The following NIT2 variants were observed in gnomAD, a reference collection of about 807,000 sequenced individuals.
NIT2 encodes omega-amidase NIT2.
A neutral mutation model predicts 42.7 loss-of-function variants in NIT2; 46 were observed. The ratio of observed to expected loss-of-function variants is 1.08; its 90% CI spans 0.85 to 1.38. The LOEUF (loss-of-function observed/expected upper bound fraction) is 1.38, where lower values mean the gene tolerates loss of function less well. NIT2 is among the 40% of genes most tolerant of loss of function. The pLI, the probability that NIT2 is intolerant of heterozygous loss-of-function variation, is 0.00. For synonymous variants in NIT2, 123 were observed against 121.9 expected, an observed-to-expected ratio of 1.01 and a Z score of -0.06; for missense variants, 309 against 342.5, an observed-to-expected ratio of 0.90 and a Z score of 0.77.
chr3:100,348,679 G>C, intron 6 of NIT2, 124 bp from the exon 7 acceptor site: 2 of 689,464 alleles, frequency 2.9e-6, no homozygotes, highest in Non-Finnish European at 5.1e-6. Flanking sequence ...GTCTGACTTG[G>C]CTGACATCTT....
rs1706308882 is a variant in NIT2 at position 100,354,798 on chromosome 3, CAGA to C, written c.716_718del (p.Glu239del). On this transcript the variant is annotated inframe_deletion, in exon 9 of 10. Coordinates refer to ENST00000394140, the MANE Select transcript of NIT2 (RefSeq NM_020202.5). Reference sequence around the variant, plus strand: ...GGGGAGGTTCTAGCCAAAGCTGGCACAGAAGAAGCAATCGTGTATTCAGACATA... The same window carrying C: ...GGGGAGGTTCTAGCCAAAGCTGGCACAGAAGCAATCGTGTATTCAGACATA... The C allele has an allele frequency of 6.2e-7, 1 of 1,609,884 alleles. No homozygotes were observed. The highest frequency in any genetic ancestry group is 1.1e-5 in the South Asian group (1 of 89,632).
At chr3:100,343,505 T>A (rs1301466391) in intron 4 of NIT2, among the ~76,000 whole-genome samples, 1 of 152,192 alleles carries the variant, frequency 6.6e-6, no homozygotes, top group African/African-American at 2.4e-5. Context: ...AGTGAAATTT[T>A]AAAAAATTGA....
rs1439175137 is a variant in NIT2, at chr3:100,348,890, G to C, written c.584+9G>C. 2 of 1,612,624 alleles carry C rather than the reference G, an allele frequency of 1.2e-6. No homozygotes were observed. The highest frequency in any genetic ancestry group is 2.2e-5 in the South Asian group (2 of 91,044). ...TTACTTCAGCGAAGCCGGTAAGAAA[G>C]GAACCATATATTCAAGCCTCTCGGC... On this transcript the variant is annotated intron_variant, in intron 7 of 9. Coordinates refer to ENST00000394140, the MANE Select transcript of NIT2 (RefSeq NM_020202.5).
At position 100,356,198 on chromosome 3, in the gene NIT2, A is replaced by G. The variant is rs1446059489; in HGVS notation, c.*930A>G. On this transcript the variant is annotated 3_prime_UTR_variant, in exon 10 of 10. Transcript: ENST00000394140. Reference sequence around the variant, plus strand: ...CCAGAGACCCTATCTCACTATATATATGTATCTCAAAGACTTCAATGGGTT... The same window carrying G: ...CCAGAGACCCTATCTCACTATATATGTGTATCTCAAAGACTTCAATGGGTT... 6.6e-6 allele frequency: 1 copy of G among 152,180 alleles called. No homozygotes were observed. Among genetic ancestry groups the G allele is most frequent in the Non-Finnish European group, 1.5e-5 (1 of 68,042 alleles). 9.4% of individuals were successfully genotyped at this position (152,180 alleles called of 1,614,324 possible).
At chr3:100,336,413 T>C (rs1403132997) in intron 1 of NIT2, among the ~76,000 whole-genome samples, 1 of 151,822 alleles carries the variant, frequency 6.6e-6, no homozygotes, top group African/African-American at 2.4e-5. Context: ...ACAAACAAAG[T>C]ATAGAGAAAG....
chr3:100,336,189 G>C (rs1367671635), intron 1 of NIT2, among the ~76,000 whole-genome samples: 1 of 152,184 alleles, frequency 6.6e-6, no homozygotes, highest in Non-Finnish European at 1.5e-5. Context: ...TCAGAGGCCA[G>C]GGTTTGTCAT....
chr3:100,343,703 G>A (rs1380767390), intron 4 of NIT2, among the ~76,000 whole-genome samples: 1 of 152,068 alleles, frequency 6.6e-6, no homozygotes, highest in East Asian at 1.9e-4. Context: ...AGACTATTAG[G>A]CCTTTAAAAG....
intron 7 of NIT2, 26 bp from the exon 8 acceptor site, chr3:100,352,378 A>G (rs766943143): frequency 6.4e-6 from 10 of 1,550,490 alleles, no homozygotes; most frequent in African/African-American, 1.4e-5. Context: ...TGTACGATTT[A>G]CCTCTTTCCT....
rs927975381 is a variant in NIT2 at position 100,357,070 on chromosome 3, A to G, written c.*1802A>G. 5.3e-5 allele frequency: 8 copies of G among 152,140 alleles called. No individual in the cohort carries two copies. The highest frequency in any genetic ancestry group is 1.9e-4 in the African/African-American group (8 of 41,422). 9.4% of individuals were successfully genotyped at this position (152,140 alleles called of 1,614,324 possible). ...CTGGTATGTGCATTAATAATTCATAATTCATTCCTTTTTTATTGCTGAGTA... is the reference window on the plus strand; with the variant it reads ...CTGGTATGTGCATTAATAATTCATAGTTCATTCCTTTTTTATTGCTGAGTA... On this transcript the variant is annotated 3_prime_UTR_variant, in exon 10 of 10. Transcript: ENST00000394140.
Position 100,361,298 on chromosome 3 carries a change from G to C in NIT2, c.*6030G>C, listed in dbSNP as rs1393668184. ...TCGCCCTCTAAAACAATGCCCAAGA[G>C]CCAATGTTAGTCATGGTCTTCCTGT... On this transcript the variant is annotated 3_prime_UTR_variant, in exon 10 of 10. Transcript: ENST00000394140. The C allele has an allele frequency of 6.9e-6, 1 of 145,034 alleles. No homozygotes were observed. The highest frequency in any genetic ancestry group is 1.5e-5 in the Non-Finnish European group (1 of 67,902). The allele number at this position is 145,034 out of a possible 1,614,324, so 9.0% of individuals were successfully genotyped here. A position where few individuals can be genotyped will look rare whatever the true frequency, so the allele number is the denominator to read the frequency against.
At chr3:100,337,103 T>G (rs1369827627) in intron 1 of NIT2, among the ~76,000 whole-genome samples, 1 of 152,220 alleles carries the variant, frequency 6.6e-6, no homozygotes, top group Non-Finnish European at 1.5e-5. Flanking sequence ...TGCACAGCCC[T>G]TAATCCATTT....
rs1478016110 is a variant in NIT2 at position 100,355,205 on chromosome 3, G to A, written c.768G>A (p.Gln256=). 3.1e-6 allele frequency: 5 copies of A among 1,613,986 alleles called. No individual in the cohort carries two copies. In the African/African-American group the frequency reaches 6.7e-5, roughly 22 times the overall value. ...IDLKKLAEIR[Q]QIPVFRQKRS... ...TGAAGAAGCTGGCTGAAATACGCCA[G>A]CAAATCCCCGTTTTTAGACAGAAGC... is the stretch of plus-strand genomic sequence containing the variant. Residue 256 remains glutamine (Q), a synonymous_variant, in exon 10 of 10, where the codon CAG becomes CAA. Coordinates refer to ENST00000394140, the MANE Select transcript of NIT2 (RefSeq NM_020202.5).
intron 7 of NIT2, among the ~76,000 whole-genome samples, 178 bp from the exon 8 acceptor site, chr3:100,352,226 G>C (rs13082297): frequency 0.25 from 37,895 of 152,208 alleles, 5,917 homozygotes; most frequent in Middle Eastern, 0.39. Context: ...TCTAGAACTA[G>C]AAATACCATT....
At chr3:100,350,015 A>G (rs1706257927) in intron 7 of NIT2, 1 of 152,180 alleles carries the variant, frequency 6.6e-6, no homozygotes, top group Non-Finnish European at 1.5e-5. Flanking sequence ...GAGGTTGGTG[A>G]ATTTTTGTGT....
chr3:100,353,407 G>A (rs540008670), intron 8 of NIT2, among the ~76,000 whole-genome samples: 2 of 152,176 alleles, frequency 1.3e-5, no homozygotes, highest in Non-Finnish European at 2.9e-5. Flanking sequence ...AGCTCAATGT[G>A]TGTGGTGGGG....
At chr3:100,346,393 G>A in intron 6 of NIT2, 138 bp downstream of exon 6, 1 of 706,766 alleles carries the variant, frequency 1.4e-6, no homozygotes, top group South Asian at 1.8e-5. Flanking sequence ...CCCCCATGAG[G>A]CTTCCCAGAC....
chr3:100,345,160 C>G (rs1385869738), intron 4 of NIT2, among the ~76,000 whole-genome samples: 1 of 150,370 alleles, frequency 6.7e-6, no homozygotes, highest in Non-Finnish European at 1.5e-5. Flanking sequence ...GGTTTCACTA[C>G]TTTGGCCAGG....
chr3:100,339,306 G>A (rs1353322170), intron 2 of NIT2, 101 bp downstream of exon 2: 1 of 787,240 alleles, frequency 1.3e-6, no homozygotes, highest in East Asian at 2.5e-5. Flanking sequence ...GTCCAGCAGT[G>A]TCCCTTGGAG....
chr3:100,355,077 C>G, intron 9 of NIT2, 100 bp from the exon 10 acceptor site: 1 of 875,288 alleles, frequency 1.1e-6, no homozygotes, highest in Non-Finnish European at 1.8e-6. Context: ...TACTAAGTTA[C>G]TTACTAAGAC....
Sources: allele counts gnomAD v4.1 joint callset (sites outside exome capture counted in the v4.1 genomes callset), GRCh38; gene constraint gnomAD v4.1.1; transcripts MANE v1.5; gene names NCBI Gene and HGNC (gene_info 2026-07-23, HGNC 2026-07-21).